ABHD17C: variants seen among roughly 807,000 people sequenced by gnomAD.
ABHD17C encodes the protein abhydrolase domain containing 17C, depalmitoylase, also known as alpha/beta hydrolase domain-containing protein 17C.
A neutral mutation model predicts 27.9 loss-of-function variants in ABHD17C; 11 were observed. The observed-to-expected ratio is 0.39, with a 90% CI of 0.25 to 0.65. The LOEUF is 0.65. ABHD17C is among the 30% of genes least tolerant of loss of function. The pLI is 0.45. For missense variants in ABHD17C, 280 were observed against 470.2 expected (o/e 0.60, Z 3.74); for synonymous variants, 233 against 209.1 (o/e 1.11, Z -0.98).
chr15:80,714,205 C>T (rs1365614610), intron 1 of ABHD17C, among the ~76,000 whole-genome samples: 7 of 152,162 alleles, frequency 4.6e-5, no homozygotes, highest in Non-Finnish European at 8.8e-5. Flanking sequence ...GTCTGCTTAC[C>T]TTGGCCTCCC....
At chr15:80,703,073 C>T (rs1489314969) in intron 1 of ABHD17C, 1 of 152,236 alleles carries the variant, frequency 6.6e-6, no homozygotes, top group Non-Finnish European at 1.5e-5. Flanking sequence ...GAGGCACTTG[C>T]ATGTTTGGTG....
chr15:80,710,866 C>T (rs1269925714), intron 1 of ABHD17C, among the ~76,000 whole-genome samples: 2 of 152,052 alleles, frequency 1.3e-5, no homozygotes, highest in Admixed American at 1.3e-4. Flanking sequence ...CATGAGCCAC[C>T]GTGCCCAGCA....
intron 1 of ABHD17C, among the ~76,000 whole-genome samples, chr15:80,699,677 C>A (rs901480743): frequency 1.3e-5 from 2 of 152,142 alleles, no homozygotes; most frequent in African/African-American, 4.8e-5. Context: ...GACAGTGAAT[C>A]CCCCCAGATG....
intron 1 of ABHD17C, among the ~76,000 whole-genome samples, chr15:80,726,614 A>G (rs1381159836): frequency 5.0e-5 from 7 of 139,436 alleles, no homozygotes; most frequent in African/African-American, 1.9e-4. Flanking sequence ...CCGCGTTCAC[A>G]CCATTCTCCT....
rs759236670 is a variant in ABHD17C, at chr15:80,749,543, C to G, written c.621C>G (p.Leu207=). Residue 207 remains leucine (L), a synonymous_variant, in exon 2 of 3, where the codon CTC becomes CTG. Coordinates refer to ENST00000258884, the MANE Select transcript of ABHD17C (RefSeq NM_021214.2). ...RYGVSPENII[L]YGQSIGTVPT... is the part of the protein sequence containing the mutation. ...GCGTGAGTCCCGAGAACATTATCCT[C>G]TATGGTCAGAGCATTGGGACTGTCC... The G allele has an allele frequency of 3.7e-6, 6 of 1,613,950 alleles. No homozygotes were observed. Among genetic ancestry groups the G allele is most frequent in the African/African-American group, 2.7e-5 (2 of 75,032 alleles).
rs186916408 is a variant in ABHD17C at position 80,729,849 on chromosome 15, C to T, written c.591-19664C>T. Among the ~76,000 whole-genome samples the T allele has an allele frequency of 1.6e-3, 241 of 152,252 alleles. 3 individuals are homozygous for T. Among genetic ancestry groups the T allele is most frequent in the African/African-American group, 5.7e-3 (235 of 41,538 alleles). ...AACTCAGGCCGGGTGCAGTGGCTTA[C>T]GCCTGTAATCCCAGCACTTTGGAAG... On this transcript the variant is annotated intron_variant, in intron 1 of 2. Transcript: ENST00000258884.
At chr15:80,723,138 A>ATATGTGTG (rs58011508) in intron 1 of ABHD17C, among the ~76,000 whole-genome samples, 13 of 124,934 alleles carry the variant, frequency 1.0e-4, no homozygotes, top group African/African-American at 3.1e-4. Flanking sequence ...GTGTGTATAT[A>ATATGTGTG]TGTGTGTGTG....
intron 1 of ABHD17C, among the ~76,000 whole-genome samples, chr15:80,713,396 A>G (rs1466330196): frequency 8.3e-6 from 1 of 120,324 alleles, no homozygotes; most frequent in Non-Finnish European, 1.6e-5. Flanking sequence ...AATCAGCCTT[A>G]GAAAGGAAAA....
At chr15:80,732,012 G>A (rs1361130264) in intron 1 of ABHD17C, among the ~76,000 whole-genome samples, 2 of 152,164 alleles carry the variant, frequency 1.3e-5, no homozygotes, top group Admixed American at 6.5e-5. Flanking sequence ...CTCATTGTAT[G>A]GAATGTTCAC....
chr15:80,745,812 A>G (rs1432820879), intron 1 of ABHD17C, among the ~76,000 whole-genome samples: 16 of 152,226 alleles, frequency 1.1e-4, no homozygotes, highest in Admixed American at 1.0e-3. Flanking sequence ...GTGTCCATGT[A>G]CATATTCTAC....
intron 1 of ABHD17C, among the ~76,000 whole-genome samples, chr15:80,710,522 C>G (rs1241023474): frequency 2.0e-5 from 3 of 152,100 alleles, no homozygotes; most frequent in Non-Finnish European, 2.9e-5. Flanking sequence ...GATGCAAATG[C>G]AGTATTTTAG....
rs1894566271 is a variant in ABHD17C at position 80,701,135 on chromosome 15, C to T, written c.590+5116C>T. Reference sequence around the variant, plus strand: ...ATCCATAATTGGAAAATCCATGTCACAGCAAAGCTGTAGTGGCATCCTCTC... The same window carrying T: ...ATCCATAATTGGAAAATCCATGTCATAGCAAAGCTGTAGTGGCATCCTCTC... On this transcript the variant is annotated intron_variant, in intron 1 of 2. Coordinates refer to ENST00000258884, the MANE Select transcript of ABHD17C (RefSeq NM_021214.2). Among the ~76,000 whole-genome samples the T allele has an allele frequency of 2.0e-5, 3 of 152,288 alleles. No individual in the cohort carries two copies. In the South Asian group the frequency reaches 6.2e-4, roughly 32 times the overall value.
At chr15:80,699,113 C>G (rs932747910) in intron 1 of ABHD17C, among the ~76,000 whole-genome samples, 3 of 152,158 alleles carry the variant, frequency 2.0e-5, no homozygotes, top group Non-Finnish European at 2.9e-5. Context: ...CCTTTGTGTT[C>G]CCTGTGCACC....
chr15:80,698,390 A>G (rs1201225218), intron 1 of ABHD17C, among the ~76,000 whole-genome samples: 1 of 152,172 alleles, frequency 6.6e-6, no homozygotes, highest in Non-Finnish European at 1.5e-5. Context: ...AAAAGAAAAA[A>G]AAAGATGGTT....
chr15:80,705,868 G>A (rs1894640806), intron 1 of ABHD17C, among the ~76,000 whole-genome samples: 1 of 152,170 alleles, frequency 6.6e-6, no homozygotes, highest in African/African-American at 2.4e-5. Context: ...GTGTTTATAT[G>A]CCCAAGGGAG....
intron 1 of ABHD17C, among the ~76,000 whole-genome samples, chr15:80,711,926 T>C (rs960044502): frequency 6.6e-6 from 1 of 152,234 alleles, no homozygotes; most frequent in African/African-American, 2.4e-5. Context: ...GAAAGACTGC[T>C]GCCTGTATAT....
At chr15:80,722,615 G>A (rs2170879) in intron 1 of ABHD17C, among the ~76,000 whole-genome samples, 137,756 of 151,660 alleles carry the variant, frequency 0.91, 62,631 homozygotes, top group East Asian at 0.98. Context: ...ATTTTTAAGT[G>A]TACAACGCAG....
At chr15:80,713,900 C>CCA (rs58311304) in intron 1 of ABHD17C, among the ~76,000 whole-genome samples, 23,734 of 140,864 alleles carry the variant, frequency 0.17, 2,033 homozygotes, top group African/African-American at 0.24. Context: ...CATATACAGA[C>CCA]CACACACACA....
chr15:80,741,078 A>G (rs371112355), intron 1 of ABHD17C, among the ~76,000 whole-genome samples: 3 of 152,070 alleles, frequency 2.0e-5, no homozygotes, highest in Admixed American at 6.5e-5. Context: ...ATCTGCCATG[A>G]CATCTGTGTC....
Sources: allele counts gnomAD v4.1 joint callset (sites outside exome capture counted in the v4.1 genomes callset), GRCh38; gene constraint gnomAD v4.1.1; transcripts MANE v1.5; gene names NCBI Gene and HGNC (gene_info 2026-07-23, HGNC 2026-07-21).